HUNK: variants seen among roughly 807,000 people sequenced by gnomAD.
HUNK encodes hormonally up-regulated Neu-associated kinase, also known as hormonally up-regulated neu tumor-associated kinase.
HUNK carries 21 observed loss-of-function variants against 61.0 expected under a neutral mutation model. That is an observed-to-expected ratio of 0.34 (90% CI 0.24 to 0.50). The LOEUF (loss-of-function observed/expected upper bound fraction) is 0.50. Among genes scored for constraint, HUNK ranks in the 20% least tolerant of loss-of-function variants. The pLI, the probability that HUNK is intolerant of heterozygous loss-of-function variation, is 0.98. For missense variants in HUNK, 772 were observed against 945.7 expected, an observed-to-expected ratio of 0.82 and a Z score of 2.41; for synonymous variants, 371 against 386.1, an observed-to-expected ratio of 0.96 and a Z score of 0.46.
At chr21:31,886,422 T>C (rs1373616070) in intron 1 of HUNK, among the ~76,000 whole-genome samples, 3 of 75,616 alleles carry the variant, frequency 4.0e-5, no homozygotes, top group Non-Finnish European at 8.0e-5. Flanking sequence ...TGAGACTGTC[T>C]CAAAAAAAAA....
chr21:31,921,427 A>G (rs1601379517), intron 1 of HUNK, among the ~76,000 whole-genome samples: 1 of 132,332 alleles, frequency 7.6e-6, no homozygotes, highest in Admixed American at 8.0e-5. Context: ...CCTCTGAAGG[A>G]CCTGGGGTTG....
chr21:31,889,322 A>G (rs1483248000), intron 1 of HUNK, among the ~76,000 whole-genome samples: 2 of 152,240 alleles, frequency 1.3e-5, no homozygotes, highest in Admixed American at 1.3e-4. Context: ...AAGGAAGCTT[A>G]GGGAAAGTTA....
intron 4 of HUNK, among the ~76,000 whole-genome samples, chr21:31,948,793 A>G (rs2052828113): frequency 6.6e-6 from 1 of 152,198 alleles, no homozygotes; most frequent in African/African-American, 2.4e-5. Flanking sequence ...GGGTCAGCTC[A>G]AGGCTCTAGA....
In HUNK at chr21:31,935,921, C is replaced by A. The variant is rs112917962; in HGVS notation, c.555-4244C>A. Among the ~76,000 whole-genome samples the A allele has an allele frequency of 2.6e-5, 4 of 152,154 alleles. No individual in the cohort carries two copies. The East Asian group carries it at 7.7e-4, about 29-fold the overall frequency. ...GCAACCTCCGCCTCCCGGGTTCAGGCGAGTAGCTGGGATTACAGGTGTGTG... is the reference window on the plus strand; with the variant it reads ...GCAACCTCCGCCTCCCGGGTTCAGGAGAGTAGCTGGGATTACAGGTGTGTG... On this transcript the variant is annotated intron_variant, in intron 2 of 10. Transcript: ENST00000270112.
chr21:31,968,176 C>G (rs2052980860), intron 5 of HUNK, 74 bp from the exon 6 acceptor site: 2 of 1,587,820 alleles, frequency 1.3e-6, no homozygotes, highest in Admixed American at 3.4e-5. Flanking sequence ...GGCGAGTCCC[C>G]TGTGATGGTG....
chr21:31,958,896 C>G lies in HUNK; in HGVS notation c.800C>G (p.Pro267Arg). 6.2e-7 allele frequency: 1 copy of G among 1,611,268 alleles called. No individual in the cohort carries two copies. The highest frequency in any genetic ancestry group is 8.5e-7 in the Non-Finnish European group (1 of 1,179,078). The change falls in exon 5 of 11, where the codon CCT becomes CGT. Residue 267 changes from proline to arginine, a missense_variant. By Grantham distance (103) the Pro-to-Arg change is moderately radical (BLOSUM62 -2). This residue lies in a region of HUNK where 359 missense variants were observed against 501.3 expected (regional missense o/e 0.72). Transcript: ENST00000270112. ...GGGACGCTGCCTTTCACGGTGGAGC[C>G]TTTCAGCCTGAGGGCTTTGTACCAG... ...LTGTLPFTVEPFSLRALYQKM... is the reference protein window; with the variant it reads ...LTGTLPFTVERFSLRALYQKM...
chr21:32,000,059 C>T lies in HUNK; in HGVS notation c.*875C>T, dbSNP rs768644410. 3 of 395,838 alleles carry T rather than the reference C, an allele frequency of 7.6e-6. No individual in the cohort carries two copies. The highest frequency in any genetic ancestry group is 1.4e-4 in the South Asian group (1 of 6,920). 24.5% of individuals were successfully genotyped at this position (395,838 alleles called of 1,614,324 possible). Reference sequence around the variant, plus strand: ...CCACAGGCAGGGCAAGTCTCGGTGGCCCTGTGTTCATCCTGTTGTTTAAGG... The same window carrying T: ...CCACAGGCAGGGCAAGTCTCGGTGGTCCTGTGTTCATCCTGTTGTTTAAGG... On this transcript the variant is annotated 3_prime_UTR_variant, in exon 11 of 11. Transcript: ENST00000270112.
Position 31,873,712 on chromosome 21 carries a change from C to A in HUNK, c.38C>A (p.Pro13Gln). Residue 13 changes from proline to glutamine, a missense_variant, in exon 1 of 11, where the codon CCG becomes CAG. Physicochemically the swap from Pro to Gln is moderately conservative, Grantham distance 76. Around this residue, in one of 2 missense-constraint regions of HUNK, gnomAD observed 359 missense variants for 501.3 expected, o/e 0.72. Coordinates refer to ENST00000270112, the MANE Select transcript of HUNK (RefSeq NM_014586.2). This position sits in a 1 kb window ranked among gnomAD's most constrained non-coding sequence, Gnocchi z 6.1. Reference protein sequence around the residue: ...AAAGDGLLGEPAAPGGGGGAE... With the variant: ...AAAGDGLLGEQAAPGGGGGAE... ...GCGGGGGACGGGCTCCTGGGGGAGC[C>A]GGCGGCGCCTGGGGGCGGCGGCGGC... is the stretch of plus-strand genomic sequence containing the variant. 8.5e-7 allele frequency: 1 copy of A among 1,175,362 alleles called. No homozygotes were observed. The highest frequency in any genetic ancestry group is 3.8e-5 in the East Asian group (1 of 26,262). The allele number at this position is 1,175,362 out of a possible 1,614,324, so 72.8% of individuals were successfully genotyped here. A position where few individuals can be genotyped will look rare whatever the true frequency, so the allele number is the denominator to read the frequency against.
At chr21:31,949,837 C>A (rs74314712) in intron 4 of HUNK, among the ~76,000 whole-genome samples, 4,389 of 152,230 alleles carry the variant, frequency 0.029, 219 homozygotes, top group East Asian at 0.16. Context: ...GCAGAGATCA[C>A]ATGGTGGGAG....
At position 32,000,778 on chromosome 21, in the gene HUNK, A is replaced by G; in HGVS notation, c.*1594A>G. 2.5e-6 allele frequency: 1 copy of G among 398,622 alleles called. No homozygotes were observed. 24.7% of individuals were successfully genotyped at this position (398,622 alleles called of 1,614,324 possible). On this transcript the variant is annotated 3_prime_UTR_variant, in exon 11 of 11. Transcript: ENST00000270112. ...ATCATTCTCTCATTCACCAGTGGTG[A>G]CATCCTTCAGTCCCTCACATCTCTG... is the stretch of plus-strand genomic sequence containing the variant.
At chr21:31,952,113 A>C (rs952002616) in intron 4 of HUNK, among the ~76,000 whole-genome samples, 3 of 152,208 alleles carry the variant, frequency 2.0e-5, no homozygotes, top group Non-Finnish European at 2.9e-5. Context: ...AATCCGCAAG[A>C]AAATAATTTC....
chr21:31,924,510 A>T lies in HUNK; in HGVS notation c.304A>T (p.Thr102Ser), dbSNP rs752994349. 38 of 1,614,010 alleles carry T rather than the reference A, an allele frequency of 2.4e-5. No individual in the cohort carries two copies. In the East Asian group the frequency reaches 8.0e-4, roughly 34 times the overall value. Residue 102 changes from threonine (T) to serine (S), a missense_variant, in exon 2 of 11, where the codon ACC becomes TCC. Coordinates refer to ENST00000270112, the MANE Select transcript of HUNK (RefSeq NM_014586.2). This position sits in a 1 kb window ranked among gnomAD's most constrained non-coding sequence, Gnocchi z 5.1. ...VIDKKRAKKD[T>S]YVTKNLRREG... is the part of the protein sequence containing the mutation. The stretch of plus-strand genomic sequence containing the variant: ...TGATAAGAAGAGAGCCAAAAAGGAC[A>T]CCTATGTCACCAAAAACCTGCGGCG...
intron 1 of HUNK, among the ~76,000 whole-genome samples, chr21:31,887,554 T>C (rs1335661780): frequency 6.6e-6 from 1 of 150,594 alleles, no homozygotes; most frequent in Non-Finnish European, 1.5e-5. Context: ...TGTTGTCTTA[T>C]GTCCAACCCC....
chr21:31,909,910 C>T (rs528062553), intron 1 of HUNK, among the ~76,000 whole-genome samples: 8 of 152,168 alleles, frequency 5.3e-5, no homozygotes, highest in Non-Finnish European at 7.3e-5. Flanking sequence ...CCACAGTTTT[C>T]AGCCCTTTTA....
intron 2 of HUNK, among the ~76,000 whole-genome samples, chr21:31,926,054 G>T (rs944329523): frequency 5.3e-5 from 8 of 152,096 alleles, no homozygotes; most frequent in African/African-American, 1.9e-4. Context: ...TAGTAGCTGG[G>T]ATTACAGGCA....
intron 1 of HUNK, among the ~76,000 whole-genome samples, chr21:31,891,148 G>T (rs2052385167): frequency 6.6e-6 from 1 of 152,144 alleles, no homozygotes; most frequent in South Asian, 2.1e-4. Flanking sequence ...AGGCCGAGGT[G>T]GGTGGATCAC....
chr21:31,918,971 AGCG>A (rs1477295259), intron 1 of HUNK, among the ~76,000 whole-genome samples: 5 of 149,356 alleles, frequency 3.3e-5, no homozygotes, highest in African/African-American at 7.5e-5. Flanking sequence ...GGCTGGACTG[AGCG>A]GTATGAGGAG....
At chr21:31,957,814 C>T (rs561596784) in intron 4 of HUNK, among the ~76,000 whole-genome samples, 1 of 152,136 alleles carries the variant, frequency 6.6e-6, no homozygotes, top group African/African-American at 2.4e-5. Flanking sequence ...TCACAATAAA[C>T]AATAAAAAAA....
In HUNK at chr21:31,980,361, C is replaced by T. The variant is rs2053087585; in HGVS notation, c.1174-3165C>T. Reference sequence around the variant, plus strand: ...CTGGGATTATAGGCGTGAGCCACCGCACCAGGCCTGTCTTCTTCTTTTTTT... The same window carrying T: ...CTGGGATTATAGGCGTGAGCCACCGTACCAGGCCTGTCTTCTTCTTTTTTT... On this transcript the variant is annotated intron_variant, in intron 7 of 10. Transcript: ENST00000270112. Among the ~76,000 whole-genome samples the T allele has an allele frequency of 2.1e-5, 3 of 141,066 alleles. No homozygotes were observed. In the Admixed American group the frequency reaches 2.1e-4, roughly 10 times the overall value. 92.5% of individuals were successfully genotyped at this position (141,066 alleles called of 152,430 possible). A position where few individuals can be genotyped will look rare whatever the true frequency, so the allele number is the denominator to read the frequency against.
Sources: allele counts gnomAD v4.1 joint callset (sites outside exome capture counted in the v4.1 genomes callset), GRCh38; gene constraint gnomAD v4.1.1; regional missense constraint gnomAD v4.1.1; non-coding constraint Gnocchi (gnomAD v3.1); transcripts MANE v1.5; gene names NCBI Gene and HGNC (gene_info 2026-07-23, HGNC 2026-07-21).